The following ATP6V1H variants were observed in gnomAD, a reference collection of about 807,000 sequenced individuals.
ATP6V1H encodes the protein ATPase H+ transporting V1 subunit H.
ATP6V1H carries 39 observed loss-of-function variants against 71.7 expected under a neutral mutation model. The ratio of observed to expected loss-of-function variants is 0.54; its 90% confidence interval spans 0.42 to 0.71. ATP6V1H has a LOEUF of 0.71. Among genes scored for constraint, ATP6V1H ranks in the 30% least tolerant of loss-of-function variants. ATP6V1H has a pLI of 0.00. For synonymous variants in ATP6V1H, 192 were observed against 199.3 expected (o/e 0.96, Z 0.31); for missense variants, 509 against 594.9 (o/e 0.86, Z 1.50).
At chr8:53,817,012 A>G (rs1048690391) in intron 5 of ATP6V1H, among the ~76,000 whole-genome samples, 1 of 152,110 alleles carries the variant, frequency 6.6e-6, no homozygotes, top group Non-Finnish European at 1.5e-5. Flanking sequence ...ACTGCATCAG[A>G]GCAACCCTAT....
At chr8:53,785,664 T>G (rs1466382199) in intron 9 of ATP6V1H, among the ~76,000 whole-genome samples, 1 of 152,180 alleles carries the variant, frequency 6.6e-6, no homozygotes, top group Non-Finnish European at 1.5e-5. Context: ...CCCATCTTTG[T>G]GGTTTTATCC....
At chr8:53,741,228 C>T (rs761640938) in intron 13 of ATP6V1H, among the ~76,000 whole-genome samples, 3 of 152,088 alleles carry the variant, frequency 2.0e-5, no homozygotes, top group Non-Finnish European at 2.9e-5. Context: ...AAAATTTCAT[C>T]TTCAATACAT....
At chr8:53,738,520 G>A (rs1349701563) in intron 13 of ATP6V1H, among the ~76,000 whole-genome samples, 4 of 152,096 alleles carry the variant, frequency 2.6e-5, no homozygotes, top group Admixed American at 2.6e-4. Context: ...GTACCTGTTT[G>A]TCTACAAAGC....
intron 13 of ATP6V1H, among the ~76,000 whole-genome samples, chr8:53,732,150 G>A (rs771300333): frequency 4.6e-5 from 7 of 152,152 alleles, no homozygotes; most frequent in South Asian, 2.1e-4. Context: ...TGCCTTTATC[G>A]ACACTTGCTT....
intron 8 of ATP6V1H, among the ~76,000 whole-genome samples, chr8:53,800,536 T>C (rs1389084296): frequency 6.6e-6 from 1 of 152,210 alleles, no homozygotes; most frequent in African/African-American, 2.4e-5. Flanking sequence ...GATAGCTATA[T>C]CATAAATGCA....
intron 9 of ATP6V1H, among the ~76,000 whole-genome samples, chr8:53,792,270 T>C (rs1383626329): frequency 6.6e-6 from 1 of 152,168 alleles, no homozygotes. Flanking sequence ...GATTTTTACA[T>C]GAAAAAGACT....
intron 11 of ATP6V1H, among the ~76,000 whole-genome samples, chr8:53,760,695 C>G (rs937181758): frequency 6.6e-6 from 1 of 152,104 alleles, no homozygotes; most frequent in African/African-American, 2.4e-5. Flanking sequence ...TGGTAACAAC[C>G]CCACTGACAG....
At chr8:53,779,279 A>C (rs887712885) in intron 9 of ATP6V1H, among the ~76,000 whole-genome samples, 2 of 152,058 alleles carry the variant, frequency 1.3e-5, no homozygotes, top group Non-Finnish European at 1.5e-5. Flanking sequence ...AGACTATAAG[A>C]CAAGCCATAA....
chr8:53,808,872 A>C (rs1197690052), intron 7 of ATP6V1H, among the ~76,000 whole-genome samples: 2 of 151,508 alleles, frequency 1.3e-5, no homozygotes, highest in Non-Finnish European at 2.9e-5. Context: ...GGCCATTTTA[A>C]AAAAGGTAAG....
intron 7 of ATP6V1H, among the ~76,000 whole-genome samples, chr8:53,810,194 C>A (rs935342350): frequency 1.3e-5 from 2 of 152,204 alleles, no homozygotes; most frequent in African/African-American, 4.8e-5. Context: ...ATACTTTCAA[C>A]AAAGGAAGCT....
At chr8:53,780,523 AT>A (rs755101229) in intron 9 of ATP6V1H, among the ~76,000 whole-genome samples, 146 of 151,622 alleles carry the variant, frequency 9.6e-4, no homozygotes, top group Non-Finnish European at 1.6e-3. Context: ...AATATGTTAT[AT>A]TTTTTTTTCT....
chr8:53,715,982 G>T lies in ATP6V1H; in HGVS notation c.1434C>A (p.Thr478=), dbSNP rs753680477. 1.2e-6 allele frequency: 2 copies of T among 1,607,860 alleles called. No homozygotes were observed. Among genetic ancestry groups the T allele is most frequent in the African/African-American group, 2.7e-5 (2 of 74,876 alleles). ...GGCAGGCTTAGCTTCGGGCGGCAGC[G>T]GTCTGGGGCTGCTCGGACTGGAGCT... The part of the protein sequence containing the change: ...GKQLQSEQPQ[T]AAARS The change falls in exon 14 of 14, where the codon ACC becomes ACA. Residue 478 remains threonine (T), a synonymous_variant. Coordinates refer to ENST00000359530, the MANE Select transcript of ATP6V1H (RefSeq NM_015941.4).
chr8:53,765,016 G>C (rs1808401665), intron 11 of ATP6V1H, among the ~76,000 whole-genome samples: 1 of 152,062 alleles, frequency 6.6e-6, no homozygotes, highest in Admixed American at 6.5e-5. Context: ...GAGATGGGAG[G>C]ATCTCTTGAG....
intron 13 of ATP6V1H, among the ~76,000 whole-genome samples, chr8:53,729,782 A>G (rs1251032550): frequency 6.6e-6 from 1 of 152,230 alleles, no homozygotes; most frequent in Non-Finnish European, 1.5e-5. Context: ...CAGAAAGTCC[A>G]GCCGCAGCTC....
intron 13 of ATP6V1H, among the ~76,000 whole-genome samples, chr8:53,719,834 T>A (rs1396043465): frequency 6.6e-6 from 1 of 152,178 alleles, no homozygotes; most frequent in Admixed American, 6.5e-5. Flanking sequence ...TCCTATTCTA[T>A]TCCAGAGCTG....
chr8:53,745,309 G>A (rs1807558884), intron 12 of ATP6V1H, among the ~76,000 whole-genome samples: 1 of 152,102 alleles, frequency 6.6e-6, no homozygotes, highest in African/African-American at 2.4e-5. Flanking sequence ...GCTGAGGTGG[G>A]AAGATTGCTT....
At chr8:53,756,144 C>T (rs1808051341) in intron 12 of ATP6V1H, 2 of 146,016 alleles carry the variant, frequency 1.4e-5, no homozygotes, top group South Asian at 4.4e-4. Context: ...GATCTCAGCT[C>T]ACTGCAACCT....
chr8:53,823,738 T>C (rs1810735881), intron 4 of ATP6V1H, among the ~76,000 whole-genome samples: 1 of 152,180 alleles, frequency 6.6e-6, no homozygotes, highest in African/African-American at 2.4e-5. Flanking sequence ...ACTCCCAAAG[T>C]GCTGGGATTA....
At chr8:53,719,305 G>A (rs1806535655) in intron 13 of ATP6V1H, among the ~76,000 whole-genome samples, 1 of 152,016 alleles carries the variant, frequency 6.6e-6, no homozygotes, top group East Asian at 1.9e-4. Flanking sequence ...CGAGTAGCTG[G>A]GATTACAGGC....
Sources: allele counts gnomAD v4.1 joint callset (sites outside exome capture counted in the v4.1 genomes callset), GRCh38; gene constraint gnomAD v4.1.1; transcripts MANE v1.5; gene names NCBI Gene and HGNC (gene_info 2026-07-23, HGNC 2026-07-21).